Variants in NVL observed in about 807,000 individuals in gnomAD.
The protein encoded by NVL is nuclear VCP like.
In NVL, 84 loss-of-function variants were observed where a neutral mutation model predicts 110.2. The ratio of observed to expected loss-of-function variants is 0.76; its 90% CI spans 0.64 to 0.91. NVL has a LOEUF of 0.91. Ranked by LOEUF, NVL falls within the 40% of genes least tolerant of loss-of-function variation. The pLI, the probability that NVL is intolerant of heterozygous loss-of-function variation, is 0.00. For missense variants in NVL, 882 were observed against 1,035.9 expected (o/e 0.85, Z 2.04); for synonymous variants, 354 against 361.1 (o/e 0.98, Z 0.22).
chr1:224,281,063 T>C, intron 16 of NVL, 60 bp downstream of exon 16: 1 of 1,423,484 alleles, frequency 7.0e-7, no homozygotes, highest in South Asian at 1.1e-5. Context: ...TTTTACCCCG[T>C]AATTTGCATG....
intron 19 of NVL, among the ~76,000 whole-genome samples, chr1:224,241,042 G>T (rs1028386733): frequency 2.0e-5 from 3 of 152,054 alleles, no homozygotes; most frequent in African/African-American, 7.2e-5. Context: ...ACCCACCTTG[G>T]CCTCCCAAAG....
intron 4 of NVL, 46 bp downstream of exon 4, chr1:224,317,648 T>C (rs776476897): frequency 3.5e-6 from 4 of 1,130,452 alleles, no homozygotes; most frequent in African/African-American, 3.1e-5. Context: ...GAATGTAACA[T>C]GATAAAGTTC....
chr1:224,231,804 A>G (rs1659906480), intron 21 of NVL, among the ~76,000 whole-genome samples: 1 of 151,662 alleles, frequency 6.6e-6, no homozygotes, highest in African/African-American at 2.4e-5. Flanking sequence ...AGGTGGGCGG[A>G]TCATGAGATC....
chr1:224,249,661 C>T (rs976627849), intron 19 of NVL, among the ~76,000 whole-genome samples: 13 of 152,092 alleles, frequency 8.5e-5, no homozygotes, highest in Non-Finnish European at 1.5e-4. Context: ...AGGAGAATGG[C>T]GTGAACCTGG....
rs1311272954 is a variant in NVL at position 224,227,622 on chromosome 1, G to A, written c.*4C>T. On this transcript the variant is annotated 3_prime_UTR_variant, in exon 23 of 23. Coordinates refer to ENST00000281701, the MANE Select transcript of NVL (RefSeq NM_002533.4). ...TAGCTCCTCTAAGCCGGCTGCTGGA[G>A]ACATCACCGGCTGAGGGACTCCTGC... is the stretch of plus-strand genomic sequence containing the variant. The A allele has an allele frequency of 4.3e-6, 7 of 1,610,530 alleles. No homozygotes were observed. The Admixed American group carries it at 1.0e-4, about 23-fold the overall frequency.
At chr1:224,259,726 C>T (rs1374022386) in intron 18 of NVL, among the ~76,000 whole-genome samples, 1 of 152,130 alleles carries the variant, frequency 6.6e-6, no homozygotes, top group Admixed American at 6.6e-5. Context: ...ACAATCTCCG[C>T]TCATTACAAC....
chr1:224,227,703 C>G (rs768854581), intron 22 of NVL, 33 bp from the exon 23 acceptor site: 2 of 1,597,228 alleles, frequency 1.3e-6, no homozygotes, highest in East Asian at 4.5e-5. Context: ...ATACAGAGAC[C>G]GTCACTGCTT....
At chr1:224,238,221 T>TG (rs1660744146) in intron 19 of NVL, among the ~76,000 whole-genome samples, 1 of 151,918 alleles carries the variant, frequency 6.6e-6, no homozygotes, top group Non-Finnish European at 1.5e-5. Flanking sequence ...TTTGTAGAGA[T>TG]GGGGTTTCAC....
chr1:224,301,798 C>CAAAAAAAAAAAAAAAAAAAAAAAAAA (rs61084002), intron 9 of NVL: 2 of 75,896 alleles, frequency 2.6e-5, no homozygotes, highest in Non-Finnish European at 5.4e-5. Flanking sequence ...AAATCTGTTT[C>CAAAAAAAAAAAAAAAAAAAAAAAAAA]AAAAAAAAAA....
chr1:224,247,396 G>A (rs945130396), intron 19 of NVL, among the ~76,000 whole-genome samples: 8 of 151,748 alleles, frequency 5.3e-5, no homozygotes, highest in Non-Finnish European at 7.4e-5. Context: ...TTGGCCAGGC[G>A]CAGTGGCTCA....
chr1:224,319,992 C>T (rs1464362220), intron 2 of NVL, among the ~76,000 whole-genome samples: 12 of 151,890 alleles, frequency 7.9e-5, no homozygotes, highest in Admixed American at 7.9e-4. Context: ...ATAGTAACTA[C>T]CTGTAATCTT....
intron 19 of NVL, among the ~76,000 whole-genome samples, chr1:224,244,700 T>G (rs1008987506): frequency 6.7e-6 from 1 of 149,156 alleles, no homozygotes; most frequent in Non-Finnish European, 1.5e-5. Context: ...TCCATTTTTT[T>G]TTTTTGAGAT....
chr1:224,240,257 T>C (rs1162292220), intron 19 of NVL, among the ~76,000 whole-genome samples: 3 of 152,042 alleles, frequency 2.0e-5, no homozygotes, highest in Non-Finnish European at 2.9e-5. Flanking sequence ...TTAGTAGAGA[T>C]GGGGTTTCAC....
intron 1 of NVL, among the ~76,000 whole-genome samples, chr1:224,327,418 G>A (rs1405233828): frequency 6.6e-6 from 1 of 152,104 alleles, no homozygotes; most frequent in Non-Finnish European, 1.5e-5. Context: ...ACTCCAGCCT[G>A]GGTGACAGAG....
chr1:224,271,701 A>G (rs1017343537), intron 17 of NVL, among the ~76,000 whole-genome samples: 7 of 152,064 alleles, frequency 4.6e-5, no homozygotes, highest in African/African-American at 1.7e-4. Flanking sequence ...GTATTCATGT[A>G]TAACTAGTGC....
At chr1:224,250,704 C>G (rs1662374278) in intron 18 of NVL, among the ~76,000 whole-genome samples, 1 of 152,100 alleles carries the variant, frequency 6.6e-6, no homozygotes, top group Non-Finnish European at 1.5e-5. Flanking sequence ...TCTTTTATCC[C>G]TCAACCGCTC....
chr1:224,298,278 G>T, intron 10 of NVL: 1 of 286,294 alleles, frequency 3.5e-6, no homozygotes, highest in Admixed American at 4.2e-5. Flanking sequence ...GTTCAAAAAG[G>T]AATGTCCCAC....
chr1:224,273,056 C>CA (rs1242422504), intron 17 of NVL, among the ~76,000 whole-genome samples: 2 of 106,362 alleles, frequency 1.9e-5, no homozygotes, highest in African/African-American at 7.2e-5. Flanking sequence ...AAAAAACAAA[C>CA]AAACAAAAAA....
intron 15 of NVL, 52 bp downstream of exon 15, chr1:224,285,974 A>G: frequency 7.4e-7 from 1 of 1,343,328 alleles, no homozygotes. Flanking sequence ...AGTTCATATT[A>G]TCCTATCTGA....
Sources: gnomAD v4.1 joint callset for allele counts (sites outside exome capture counted in the v4.1 genomes callset) on GRCh38, gnomAD v4.1.1 for gene constraint, MANE v1.5 for transcripts, NCBI Gene and HGNC (gene_info 2026-07-23, HGNC 2026-07-21) for gene names.